MCC: variants seen among roughly 807,000 people sequenced by gnomAD.
MCC encodes colorectal mutant cancer protein.
Under a neutral mutation model 116.2 loss-of-function variants are expected in MCC, and 90 were observed. The ratio of observed to expected loss-of-function variants is 0.77; its 90% CI spans 0.65 to 0.92. The LOEUF (loss-of-function observed/expected upper bound fraction) is 0.92. MCC is among the 40% of genes least tolerant of loss of function. The pLI is 0.00. For synonymous variants in MCC, 578 were observed against 510.5 expected (o/e 1.13, Z -1.78); for missense variants, 1,516 against 1,312.2 (o/e 1.16, Z -2.40).
intron 3 of MCC, among the ~76,000 whole-genome samples, chr5:113,317,000 C>T (rs1482137463): frequency 6.6e-6 from 1 of 152,164 alleles, no homozygotes; most frequent in Non-Finnish European, 1.5e-5. Flanking sequence ...TGCAGGCTTC[C>T]TGATTCCTTT....
At chr5:113,346,933 T>C (rs576270997) in intron 2 of MCC, among the ~76,000 whole-genome samples, 277 of 148,062 alleles carry the variant, frequency 1.9e-3, no homozygotes, top group Middle Eastern at 6.9e-3. Flanking sequence ...ATATTTAAAG[T>C]GCTGAAGGAA....
chr5:113,236,693 T>C (rs1764143784), intron 3 of MCC, among the ~76,000 whole-genome samples: 1 of 152,182 alleles, frequency 6.6e-6, no homozygotes, highest in Non-Finnish European at 1.5e-5. Context: ...TGAGGTACAA[T>C]AAATGATTAA....
At chr5:113,175,324 G>A (rs892292951) in intron 3 of MCC, among the ~76,000 whole-genome samples, 1 of 152,170 alleles carries the variant, frequency 6.6e-6, no homozygotes, top group African/African-American at 2.4e-5. Context: ...CTTAAAGCTG[G>A]AAAGAGGTAC....
At chr5:113,468,577 G>A (rs1488070111) in intron 1 of MCC, among the ~76,000 whole-genome samples, 5 of 152,156 alleles carry the variant, frequency 3.3e-5, no homozygotes, top group African/African-American at 9.6e-5. Flanking sequence ...TGCTGGATTC[G>A]GTTTGCCAGT....
intron 14 of MCC, among the ~76,000 whole-genome samples, chr5:113,062,564 AACT>A (rs1753297080): frequency 6.6e-6 from 1 of 152,250 alleles, no homozygotes; most frequent in Admixed American, 6.5e-5. Context: ...ACAACATGAG[AACT>A]ACATTTCTAT....
intron 2 of MCC, among the ~76,000 whole-genome samples, chr5:113,374,211 T>G (rs968182906): frequency 3.5e-5 from 5 of 143,952 alleles, no homozygotes; most frequent in South Asian, 2.1e-4. Context: ...TACTTTTTTT[T>G]TTTTTGTTTT....
At chr5:113,170,371 C>T (rs963930064) in intron 3 of MCC, among the ~76,000 whole-genome samples, 3 of 152,174 alleles carry the variant, frequency 2.0e-5, no homozygotes, top group Non-Finnish European at 4.4e-5. Context: ...CATATTCCTA[C>T]CTCCTTAGGC....
chr5:113,152,862 G>T (rs1158250045), intron 3 of MCC, among the ~76,000 whole-genome samples: 3 of 152,246 alleles, frequency 2.0e-5, no homozygotes, highest in African/African-American at 7.2e-5. Context: ...GAAAATGTCA[G>T]GCAATCTGGC....
chr5:113,279,345 T>C (rs1054290412), intron 3 of MCC, among the ~76,000 whole-genome samples: 3 of 152,120 alleles, frequency 2.0e-5, no homozygotes, highest in Admixed American at 6.5e-5. Context: ...TATTACAGTG[T>C]CGTATTGTGA....
At chr5:113,053,998 T>C (rs1296543549) in intron 14 of MCC, 39 bp from the exon 15 acceptor site, 3 of 1,439,102 alleles carry the variant, frequency 2.1e-6, no homozygotes, top group East Asian at 2.3e-5. Context: ...CACCCTGTGT[T>C]ATTCCAAGTC....
chr5:113,419,066 C>T (rs146126914), intron 1 of MCC, among the ~76,000 whole-genome samples: 46 of 152,218 alleles, frequency 3.0e-4, no homozygotes, highest in African/African-American at 1.1e-3. Context: ...TACCATGTGA[C>T]CCAGCAATGA....
At chr5:113,374,848 G>A (rs1365699732) in intron 2 of MCC, among the ~76,000 whole-genome samples, 1 of 151,786 alleles carries the variant, frequency 6.6e-6, no homozygotes, top group Admixed American at 6.6e-5. Context: ...AAAATTAGCT[G>A]GGGCATGGTG....
At chr5:113,076,713 T>C (rs1281355076) in intron 11 of MCC, among the ~76,000 whole-genome samples, 1 of 152,106 alleles carries the variant, frequency 6.6e-6, no homozygotes, top group Non-Finnish European at 1.5e-5. Flanking sequence ...ACATGCCAAA[T>C]TGTAAAGACC....
At chr5:113,101,618 A>T in intron 8 of MCC, 121 bp downstream of exon 8, 1 of 949,816 alleles carries the variant, frequency 1.1e-6, no homozygotes, top group Non-Finnish European at 1.6e-6. Context: ...CAGGAAAGAG[A>T]CAGTGATTCC....
intron 3 of MCC, chr5:113,294,450 A>C: frequency 6.2e-7 from 1 of 1,611,180 alleles, no homozygotes; most frequent in Non-Finnish European, 8.5e-7. Flanking sequence ...TGGACTTCAC[A>C]GGCTCAATAT....
rs149660757 is a variant in MCC at position 113,349,079 on chromosome 5, A to G, written c.416-8349T>C. 2.0e-4 allele frequency among the ~76,000 whole-genome samples: 30 copies of G among 152,206 alleles called. No individual in the cohort carries two copies. In the East Asian group the frequency reaches 4.1e-3, roughly 21 times the overall value. On this transcript the variant is annotated intron_variant, in intron 2 of 18. Coordinates refer to ENST00000408903, the MANE Select transcript of MCC (RefSeq NM_001085377.2). ...CCATAATGAAAGTCTTCCAGTAAAG[A>G]AATGCTGGGACCCAATGGCTTCACT... is the stretch of plus-strand genomic sequence containing the variant.
At chr5:113,365,070 C>T (rs1163542555) in intron 2 of MCC, among the ~76,000 whole-genome samples, 1 of 152,218 alleles carries the variant, frequency 6.6e-6, no homozygotes, top group African/African-American at 2.4e-5. Context: ...TTTATGTGGC[C>T]TAACTGAATT....
chr5:113,039,719 C>T (rs113034264), intron 17 of MCC, among the ~76,000 whole-genome samples: 1 of 134,078 alleles, frequency 7.5e-6, no homozygotes, highest in Non-Finnish European at 1.6e-5. Flanking sequence ...GCGCCCCCCC[C>T]CCCAACCCAC....
At chr5:113,049,706 C>T (rs978928475) in intron 15 of MCC, among the ~76,000 whole-genome samples, 11 of 152,228 alleles carry the variant, frequency 7.2e-5, no homozygotes, top group Admixed American at 2.6e-4. Context: ...CCATGGAAGG[C>T]CTCTTCTGGC....
Sources: gnomAD v4.1 joint callset for allele counts (sites outside exome capture counted in the v4.1 genomes callset) on GRCh38, gnomAD v4.1.1 for gene constraint, MANE v1.5 for transcripts, NCBI Gene and HGNC (gene_info 2026-07-23, HGNC 2026-07-21) for gene names.